The following TREML4 variants were observed in gnomAD, a reference collection of about 807,000 sequenced individuals.
The protein encoded by TREML4 is trem-like transcript 4 protein.
In TREML4, 25 loss-of-function variants were observed where a neutral mutation model predicts 25.4. That is an observed-to-expected ratio of 0.98 (90% CI 0.72 to 1.37). The LOEUF (loss-of-function observed/expected upper bound fraction) is 1.37, where lower values mean the gene tolerates loss of function less well. Ranked by LOEUF, TREML4 falls within the 40% of genes most tolerant of loss-of-function variation. TREML4 has a pLI of 0.00. For synonymous variants in TREML4, 92 were observed against 87.9 expected (o/e 1.05, Z -0.26); for missense variants, 268 against 236.5 (o/e 1.13, Z -0.87).
intron 1 of TREML4, 76 bp downstream of exon 1, chr6:41,228,566 G>A: frequency 6.5e-7 from 1 of 1,537,560 alleles, no homozygotes; most frequent in Non-Finnish European, 8.8e-7. Context: ...CAGCATGGCT[G>A]TGTGACCATA....
At position 41,228,424 on chromosome 6, in the gene TREML4, T is replaced by A; in HGVS notation, c.-4T>A. The A allele has an allele frequency of 6.2e-7, 1 of 1,609,374 alleles. No individual in the cohort carries two copies. The highest frequency in any genetic ancestry group is 2.2e-5 in the East Asian group (1 of 44,794). On this transcript the variant is annotated 5_prime_UTR_variant, in exon 1 of 6. Transcript: ENST00000341495. ...TCCGCTGTCAGAAACAGATCTGGGC[T>A]GGAATGGCCTGGGGTGGGGTCCACA...
rs749333782 is a variant in TREML4, at chr6:41,228,911, C to A, written c.261C>A (p.Pro87=). Residue 87 remains proline (P), a synonymous_variant, in exon 2 of 6, where the codon CCC becomes CCA. Coordinates refer to ENST00000341495, the MANE Select transcript of TREML4 (RefSeq NM_198153.3). ...QKSHYTIWDK[P]NAGFFNITMI... is the part of the protein sequence containing the mutation. ...CTCATTACACAATCTGGGACAAGCC[C>A]AATGCTGGCTTCTTCAACATCACCA... 6.2e-7 allele frequency: 1 copy of A among 1,614,152 alleles called. No individual in the cohort carries two copies. The highest frequency in any genetic ancestry group is 8.5e-7 in the Non-Finnish European group (1 of 1,180,012).
chr6:41,234,402 G>A (rs992828550), intron 4 of TREML4, among the ~76,000 whole-genome samples: 14 of 151,856 alleles, frequency 9.2e-5, no homozygotes, highest in African/African-American at 2.9e-4. Context: ...TGGAACACGA[G>A]CATCAGAGCA....
At chr6:41,232,664 G>A (rs931133410) in intron 4 of TREML4, among the ~76,000 whole-genome samples, 15 of 152,130 alleles carry the variant, frequency 9.9e-5, no homozygotes, top group African/African-American at 3.4e-4. Context: ...CCTGCAACTA[G>A]ACAGTCTTAT....
chr6:41,234,314 A>T (rs1406708957), intron 4 of TREML4, among the ~76,000 whole-genome samples: 1 of 152,070 alleles, frequency 6.6e-6, no homozygotes, highest in Non-Finnish European at 1.5e-5. Context: ...ATTAGGGAGT[A>T]ATTAGTACCT....
intron 4 of TREML4, among the ~76,000 whole-genome samples, chr6:41,232,685 T>G (rs1766825542): frequency 6.6e-6 from 1 of 152,122 alleles, no homozygotes; most frequent in Non-Finnish European, 1.5e-5. Flanking sequence ...CTGGGGGTGA[T>G]GGGAGACAGT....
Position 41,229,573 on chromosome 6 carries a change from T to C in TREML4, c.445+2T>C. The C allele has an allele frequency of 1.2e-6, 2 of 1,613,590 alleles. No individual in the cohort carries two copies. The highest frequency in any genetic ancestry group is 1.3e-5 in the African/African-American group (1 of 74,926). Reference sequence around the variant, plus strand: ...TTCCCTGGCTCCCAACAAGCACAGGTAGGTTGGAGGCCTCGGTGGGGGAAG... The same window carrying C: ...TTCCCTGGCTCCCAACAAGCACAGGCAGGTTGGAGGCCTCGGTGGGGGAAG... On this transcript the variant is annotated splice_donor_variant, in intron 3 of 5. Coordinates refer to ENST00000341495, the MANE Select transcript of TREML4 (RefSeq NM_198153.3). LOFTEE classifies it high-confidence loss of function.
At chr6:41,234,812 A>G (rs1367955990) in intron 4 of TREML4, among the ~76,000 whole-genome samples, 1 of 151,342 alleles carries the variant, frequency 6.6e-6, no homozygotes, top group Non-Finnish European at 1.5e-5. Context: ...TTCATGATTT[A>G]TATTTCATAC....
At chr6:41,232,293 T>C in intron 4 of TREML4, 1 of 342,180 alleles carries the variant, frequency 2.9e-6, no homozygotes, top group Non-Finnish European at 6.2e-6. Context: ...CTGGAGACGC[T>C]GCTAGAAGTG....
At chr6:41,230,552 G>A (rs1247560875) in intron 4 of TREML4, among the ~76,000 whole-genome samples, 3 of 152,050 alleles carry the variant, frequency 2.0e-5, no homozygotes, top group Admixed American at 6.5e-5. Context: ...AGGCCATGAC[G>A]GCCTCCCCTT....
Position 41,228,845 on chromosome 6 carries a change from A to G in TREML4, c.195A>G (p.Leu65=), listed in dbSNP as rs1446939401. The change falls in exon 2 of 6, where the codon TTA becomes TTG. Residue 65 remains leucine (L), a synonymous_variant. Transcript: ENST00000341495. Reference sequence around the variant, plus strand: ...AGACATCTCCAAGTCGGTGTACCTTACTTGTCACCAGCTCCAAGCCCTGGA... The same window carrying G: ...AGACATCTCCAAGTCGGTGTACCTTGCTTGTCACCAGCTCCAAGCCCTGGA... ...CQQTSPSRCT[L]LVTSSKPWTA... The G allele has an allele frequency of 6.2e-7, 1 of 1,613,986 alleles. No individual in the cohort carries two copies. The highest frequency in any genetic ancestry group is 1.3e-5 in the African/African-American group (1 of 74,878).
Position 41,229,513 on chromosome 6 carries a change from C to A in TREML4, c.395-8C>A. 6.2e-7 allele frequency: 1 copy of A among 1,613,812 alleles called. No individual in the cohort carries two copies. On this transcript the variant is annotated splice_polypyrimidine_tract_variant and splice_region_variant and intron_variant, in intron 2 of 5. Transcript: ENST00000341495. The stretch of plus-strand genomic sequence containing the variant: ...GGAGAGTCATTGTCTGCTGTCTTTT[C>A]TCTTTAGCCCCAACCACGTCTCCTA...
intron 4 of TREML4, among the ~76,000 whole-genome samples, chr6:41,236,014 C>A (rs1018919604): frequency 6.6e-6 from 1 of 152,052 alleles, no homozygotes; most frequent in African/African-American, 2.4e-5. Flanking sequence ...TGAGGGAGGA[C>A]CCCTGGGACC....
At chr6:41,228,661 G>T in intron 1 of TREML4, 53 bp from the exon 2 acceptor site, 1 of 1,560,914 alleles carries the variant, frequency 6.4e-7, no homozygotes, top group South Asian at 1.2e-5. Flanking sequence ...GGGGGAGGTT[G>T]GGTCCCTTCA....
intron 4 of TREML4, among the ~76,000 whole-genome samples, chr6:41,236,178 G>C (rs752588770): frequency 7.1e-6 from 1 of 141,146 alleles, no homozygotes; most frequent in East Asian, 2.1e-4. Context: ...GGTCCCATCC[G>C]ACCTGACCTG....
In TREML4 at chr6:41,228,993, T is replaced by G. The variant is rs1766734673; in HGVS notation, c.343T>G (p.Ser115Ala). The change falls in exon 2 of 6, where the codon TCC becomes GCC. Residue 115 changes from serine (S) to alanine (A), a missense_variant. Transcript: ENST00000341495. ...CTACTGGTGTGGAATCTACAACGCT[T>G]CCGAAAACATCATCACTGTTCTTAG... Reference protein sequence around the residue: ...GFYWCGIYNASENIITVLRNI... With the variant: ...GFYWCGIYNAAENIITVLRNI... The G allele has an allele frequency of 2.5e-6, 4 of 1,613,974 alleles. No homozygotes were observed. Among genetic ancestry groups the G allele is most frequent in the Non-Finnish European group, 3.4e-6 (4 of 1,179,994 alleles).
intron 3 of TREML4, 90 bp from the exon 4 acceptor site, chr6:41,229,972 C>T: frequency 9.2e-7 from 1 of 1,090,716 alleles, no homozygotes; most frequent in Non-Finnish European, 1.4e-6. Flanking sequence ...CCTCTGGCCC[C>T]TCTCCCCTTC....
In TREML4 at chr6:41,238,086, A is replaced by G. The variant is rs1026181233; in HGVS notation, c.*1067A>G. On this transcript the variant is annotated 3_prime_UTR_variant, in exon 6 of 6. Transcript: ENST00000341495. Reference sequence around the variant, plus strand: ...AATGCCAGCCCTGTAAAAGACCACCATAAAGAGAGCTCCATGTTCTTTTGC... The same window carrying G: ...AATGCCAGCCCTGTAAAAGACCACCGTAAAGAGAGCTCCATGTTCTTTTGC... 1 of 152,372 alleles carries G rather than the reference A, an allele frequency of 6.6e-6. No homozygotes were observed. The highest frequency in any genetic ancestry group is 2.1e-4 in the South Asian group (1 of 4,828). 9.4% of individuals were successfully genotyped at this position (152,372 alleles called of 1,614,324 possible).
Position 41,230,130 on chromosome 6 carries a change from A to G in TREML4, c.506+8A>G, listed in dbSNP as rs748503263. 1 of 1,605,036 alleles carries G rather than the reference A, an allele frequency of 6.2e-7. No individual in the cohort carries two copies. Among genetic ancestry groups the G allele is most frequent in the South Asian group, 1.1e-5 (1 of 90,888 alleles). ...CAATGGCTCTGAGACCAGGTAGGTC[A>G]GAGGTTTTAACACTGGGAGGGAGGT... On this transcript the variant is annotated splice_region_variant and intron_variant, in intron 4 of 5. Coordinates refer to ENST00000341495, the MANE Select transcript of TREML4 (RefSeq NM_198153.3).
Sources: gnomAD v4.1 joint callset for allele counts (sites outside exome capture counted in the v4.1 genomes callset) on GRCh38, gnomAD v4.1.1 for gene constraint, MANE v1.5 for transcripts, NCBI Gene and HGNC (gene_info 2026-07-23, HGNC 2026-07-21) for gene names.